MEMO1: variants seen among roughly 807,000 people sequenced by gnomAD.
The protein encoded by MEMO1 is protein MEMO1.
In MEMO1, 6 loss-of-function variants were observed where a neutral mutation model predicts 45.2. The ratio of observed to expected loss-of-function variants is 0.13; its 90% CI spans 0.07 to 0.26. The LOEUF (loss-of-function observed/expected upper bound fraction) is 0.26, where lower values mean the gene tolerates loss of function less well. MEMO1 is among the 10% of genes least tolerant of loss of function. The pLI, the probability that MEMO1 is intolerant of heterozygous loss-of-function variation, is 1.00. For missense variants in MEMO1, 184 were observed against 370.5 expected (o/e 0.50, Z 4.13); for synonymous variants, 78 against 124.3 (o/e 0.63, Z 2.48).
chr2:31,888,546 A>T (rs1011457909), intron 7 of MEMO1, among the ~76,000 whole-genome samples: 5 of 152,104 alleles, frequency 3.3e-5, no homozygotes, highest in African/African-American at 9.6e-5. Flanking sequence ...AAATTCTCTC[A>T]TACGGAGCCA....
chr2:31,969,171 G>C (rs1668979443), intron 2 of MEMO1, among the ~76,000 whole-genome samples: 1 of 151,600 alleles, frequency 6.6e-6, no homozygotes, highest in African/African-American at 2.4e-5. Context: ...TAAATACACA[G>C]GAAACTTTCT....
intron 2 of MEMO1, among the ~76,000 whole-genome samples, 155 bp downstream of exon 2, chr2:32,010,032 G>A (rs1044116435): frequency 4.0e-4 from 59 of 147,944 alleles, no homozygotes; most frequent in Non-Finnish European, 8.0e-4. Context: ...GGCCGGCCTC[G>A]GCTCGCTCCC....
intron 2 of MEMO1, among the ~76,000 whole-genome samples, chr2:31,955,956 C>G (rs374747695): frequency 1.1e-4 from 16 of 152,080 alleles, no homozygotes; most frequent in African/African-American, 3.9e-4. Context: ...GCTCCTATTT[C>G]CAATTTAAAT....
chr2:31,957,142 CAAA>C (rs754542523), intron 2 of MEMO1, among the ~76,000 whole-genome samples: 4 of 77,646 alleles, frequency 5.2e-5, no homozygotes, highest in Non-Finnish European at 7.6e-5. Context: ...AACTCCGTCT[CAAA>C]AAAAAAAAAA....
intron 3 of MEMO1, 100 bp from the exon 4 acceptor site, chr2:31,932,235 A>G: frequency 1.1e-6 from 1 of 920,766 alleles, no homozygotes; most frequent in Non-Finnish European, 1.7e-6. Flanking sequence ...TGGTAAACAC[A>G]ACAGAATTGA....
At chr2:31,961,010 A>C (rs1667948599) in intron 2 of MEMO1, among the ~76,000 whole-genome samples, 1 of 152,220 alleles carries the variant, frequency 6.6e-6, no homozygotes, top group Non-Finnish European at 1.5e-5. Flanking sequence ...AACAAATGTA[A>C]GCAAAGCATA....
At chr2:31,907,047 A>G (rs1679860444) in intron 6 of MEMO1, among the ~76,000 whole-genome samples, 1 of 152,218 alleles carries the variant, frequency 6.6e-6, no homozygotes, top group South Asian at 2.1e-4. Context: ...TATTAAAAAT[A>G]AGCTCTGGGC....
At chr2:31,904,378 G>T (rs1170627904) in intron 6 of MEMO1, among the ~76,000 whole-genome samples, 1 of 152,144 alleles carries the variant, frequency 6.6e-6, no homozygotes, top group Non-Finnish European at 1.5e-5. Flanking sequence ...GGTAGCTGTG[G>T]CTAGCTACAC....
At chr2:31,903,018 G>C (rs1447162498) in intron 6 of MEMO1, among the ~76,000 whole-genome samples, 1 of 151,710 alleles carries the variant, frequency 6.6e-6, no homozygotes, top group Non-Finnish European at 1.5e-5. Context: ...TTAATTTGTG[G>C]TATATAAATA....
In MEMO1 at chr2:31,952,664, G is replaced by A. The variant is rs563317917; in HGVS notation, c.62-9281C>T. 1.4e-4 allele frequency among the ~76,000 whole-genome samples: 22 copies of A among 152,094 alleles called. No individual in the cohort carries two copies. The East Asian group carries it at 4.2e-3, about 29-fold the overall frequency. The stretch of plus-strand genomic sequence containing the variant: ...AATACTTTGATAATATCTGATTATA[G>A]CATCTTATCTAAACTATTTTTAAGA... On this transcript the variant is annotated intron_variant, in intron 2 of 9. Transcript: ENST00000404530.
At chr2:31,869,739 A>C (rs1329934789) in intron 9 of MEMO1, 109 bp downstream of exon 9, 1 of 1,187,904 alleles carries the variant, frequency 8.4e-7, no homozygotes, top group Admixed American at 3.4e-5. Context: ...CTAAAAAGAA[A>C]CTTGACCATA....
intron 5 of MEMO1, 55 bp from the exon 6 acceptor site, chr2:31,918,092 T>C (rs1054911267): frequency 4.1e-6 from 5 of 1,227,736 alleles, no homozygotes; most frequent in Admixed American, 4.7e-5. Flanking sequence ...ATCCTTATCC[T>C]GTGAGATTCC....
chr2:31,918,597 A>C (rs1681827148), intron 5 of MEMO1, among the ~76,000 whole-genome samples: 1 of 152,170 alleles, frequency 6.6e-6, no homozygotes, highest in African/African-American at 2.4e-5. Context: ...TTTTCCTGAA[A>C]ATTCAAAATT....
At position 31,936,066 on chromosome 2, in the gene MEMO1, C is replaced by A. The variant is rs570952130; in HGVS notation, c.144-3931G>T. 4.1e-4 allele frequency among the ~76,000 whole-genome samples: 62 copies of A among 152,204 alleles called. 1 individual carries two copies. Among genetic ancestry groups the A allele is most frequent in the Non-Finnish European group, 6.8e-4 (46 of 67,998 alleles). ...GCAACCTCCACCTAGCAGGTTCAAG[C>A]GATTCTCCTGCCTCAGCCTCCCGAG... is the stretch of plus-strand genomic sequence containing the variant. On this transcript the variant is annotated intron_variant, in intron 3 of 9. Transcript: ENST00000404530.
intron 7 of MEMO1, among the ~76,000 whole-genome samples, 159 bp downstream of exon 7, chr2:31,891,833 G>T (rs1233405351): frequency 2.0e-5 from 3 of 152,046 alleles, no homozygotes; most frequent in Non-Finnish European, 4.4e-5. Flanking sequence ...CCTTTTTAAA[G>T]GATCAAAAGA....
At chr2:31,952,929 C>A (rs1666996320) in intron 2 of MEMO1, among the ~76,000 whole-genome samples, 1 of 152,192 alleles carries the variant, frequency 6.6e-6, no homozygotes. Flanking sequence ...TTCAAAGACA[C>A]TGTATGATTA....
intron 8 of MEMO1, among the ~76,000 whole-genome samples, chr2:31,872,429 T>G (rs935813335): frequency 6.6e-6 from 1 of 152,160 alleles, no homozygotes; most frequent in Non-Finnish European, 1.5e-5. Context: ...ATAAATAATG[T>G]GACACTGAGA....
intron 2 of MEMO1, among the ~76,000 whole-genome samples, chr2:31,944,533 C>T (rs1487702093): frequency 6.6e-6 from 1 of 152,200 alleles, no homozygotes; most frequent in Admixed American, 6.5e-5. Context: ...ACCACTTATT[C>T]TGCTTTCCCT....
chr2:31,983,060 G>A (rs1207200679), intron 2 of MEMO1, among the ~76,000 whole-genome samples: 1 of 151,252 alleles, frequency 6.6e-6, no homozygotes, highest in Non-Finnish European at 1.5e-5. Flanking sequence ...CCAGCACGGT[G>A]AAACCCCATC....
Sources: gnomAD v4.1 joint callset for allele counts (sites outside exome capture counted in the v4.1 genomes callset) on GRCh38, gnomAD v4.1.1 for gene constraint, MANE v1.5 for transcripts, NCBI Gene and HGNC (gene_info 2026-07-23, HGNC 2026-07-21) for gene names.